The following ANK3 variants were observed in gnomAD, a reference collection of about 807,000 sequenced individuals.
ANK3 encodes ankyrin-3.
In ANK3, 57 loss-of-function variants were observed where a neutral mutation model predicts 370.9. That is an observed-to-expected ratio of 0.15 (90% CI 0.12 to 0.19). ANK3 has a LOEUF of 0.19. ANK3 is among the 10% of genes least tolerant of loss of function. The probability of loss-of-function intolerance (pLI) is 1.00; values close to 1 mark genes in which losing one functional copy is unlikely to be tolerated. For synonymous variants in ANK3, 1,929 were observed against 1,946.3 expected, an observed-to-expected ratio of 0.99 and a Z score of 0.23; for missense variants, 4,439 against 5,302.1, an observed-to-expected ratio of 0.84 and a Z score of 5.06.
rs1453964476 is a variant in ANK3 at position 60,696,078 on chromosome 10, C to G, written c.57+37185G>C. The stretch of plus-strand genomic sequence containing the variant: ...AAAATGATAAAGGGGATATCACCAC[C>G]AATCCCACAAAAATACAAACTACCA... On this transcript the variant is annotated intron_variant, in intron 1 of 43. Coordinates refer to the ANK3 transcript ENST00000373827. 2.7e-5 allele frequency among the ~76,000 whole-genome samples: 4 copies of G among 150,722 alleles called. 1 individual carries two copies.
chr10:60,145,953 AG>A (rs375980129), intron 23 of ANK3: 1 of 770,732 alleles, frequency 1.3e-6, no homozygotes, highest in African/African-American at 1.7e-5. Flanking sequence ...TGGGGCAAAG[AG>A]GAGGGAGACT....
At chr10:60,485,053 T>C (rs371026146) in intron 2 of ANK3, among the ~76,000 whole-genome samples, 3 of 152,222 alleles carry the variant, frequency 2.0e-5, no homozygotes, top group East Asian at 3.9e-4. Flanking sequence ...AAAATTAATA[T>C]AGTAAAAAGA....
chr10:60,232,842 A>T (rs2097267197), intron 8 of ANK3, among the ~76,000 whole-genome samples: 1 of 152,192 alleles, frequency 6.6e-6, no homozygotes. Context: ...CTCGACGATC[A>T]TCTATTGGTT....
At chr10:60,388,785 A>G (rs939308732) in intron 1 of ANK3, among the ~76,000 whole-genome samples, 1 of 152,136 alleles carries the variant, frequency 6.6e-6, no homozygotes, top group Admixed American at 6.5e-5. Context: ...TTCACCCAGC[A>G]GGGAAAAACA....
chr10:60,096,205 T>G (rs944997917), intron 28 of ANK3, among the ~76,000 whole-genome samples: 5 of 151,934 alleles, frequency 3.3e-5, no homozygotes, highest in African/African-American at 1.2e-4. Context: ...TAAAATAAGA[T>G]AAAAGTATAT....
chr10:60,230,550 C>T lies in ANK3; in HGVS notation c.897+4138G>A, dbSNP rs192168978. On this transcript the variant is annotated intron_variant, in intron 8 of 43. Transcript: ENST00000280772. ...GTTGATATTAATTAGCATTATGGAG[C>T]TGGGAAAATGGGAAAGACTTTCCTG... is the stretch of plus-strand genomic sequence containing the variant. Among the ~76,000 whole-genome samples the T allele has an allele frequency of 2.6e-5, 4 of 152,148 alleles. No individual in the cohort carries two copies. In the East Asian group the frequency reaches 7.7e-4, roughly 29 times the overall value.
chr10:60,702,891 A>C (rs1055178847), intron 1 of ANK3, among the ~76,000 whole-genome samples: 1 of 152,226 alleles, frequency 6.6e-6, no homozygotes, highest in Admixed American at 6.5e-5. Context: ...CTTACAAAAA[A>C]GTATCCAAGC....
At chr10:60,505,397 TTTATA>T (rs1384458047) in intron 2 of ANK3, among the ~76,000 whole-genome samples, 3 of 152,166 alleles carry the variant, frequency 2.0e-5, no homozygotes, top group East Asian at 1.9e-4. Context: ...TGCCTAATAT[TTTATA>T]TTAAACATTA....
In ANK3 at chr10:60,631,145, G is replaced by C. The variant is rs547492025; in HGVS notation, c.58-15921C>G. ...GAACAGGTTTGGGATGGCAGGAAGAGGTGGACTGTGCCAGGTAATCAGGGC... is the reference window on the plus strand; with the variant it reads ...GAACAGGTTTGGGATGGCAGGAAGACGTGGACTGTGCCAGGTAATCAGGGC... On this transcript the variant is annotated intron_variant, in intron 1 of 43. Transcript: ENST00000373827. Among the ~76,000 whole-genome samples, 6 of 152,244 alleles carry C rather than the reference G, an allele frequency of 3.9e-5. No homozygotes were observed. In the East Asian group the frequency reaches 1.2e-3, roughly 29 times the overall value.
At chr10:60,675,255 T>C (rs1347247056) in intron 1 of ANK3, among the ~76,000 whole-genome samples, 1 of 152,234 alleles carries the variant, frequency 6.6e-6, no homozygotes, top group African/African-American at 2.4e-5. Flanking sequence ...TTGAAAAACA[T>C]TGCTCTAGCC....
At chr10:60,108,462 T>C (rs1044529304) in intron 27 of ANK3, among the ~76,000 whole-genome samples, 4 of 152,176 alleles carry the variant, frequency 2.6e-5, no homozygotes, top group Non-Finnish European at 5.9e-5. Context: ...CAAAAAATTT[T>C]CTTTAAAAAG....
chr10:60,307,706 T>C (rs915565137), intron 1 of ANK3, among the ~76,000 whole-genome samples: 16 of 151,964 alleles, frequency 1.1e-4, no homozygotes, highest in African/African-American at 3.4e-4. Context: ...GATCCTGAGA[T>C]TGAAAAAATG....
intron 1 of ANK3, among the ~76,000 whole-genome samples, chr10:60,662,087 T>C (rs996643084): frequency 3.3e-5 from 5 of 152,158 alleles, no homozygotes; most frequent in Non-Finnish European, 7.3e-5. Context: ...AGAATATAAA[T>C]TATAAACAAA....
At chr10:60,122,655 C>T (rs1478357063) in intron 25 of ANK3, among the ~76,000 whole-genome samples, 3 of 152,178 alleles carry the variant, frequency 2.0e-5, no homozygotes, top group Non-Finnish European at 1.5e-5. Flanking sequence ...AAAACATATA[C>T]GTCAAAGTCT....
rs148051893 is a variant in ANK3 at position 60,188,126 on chromosome 10, T to C, written c.1888-1214A>G. 2.4e-3 allele frequency among the ~76,000 whole-genome samples: 369 copies of C among 152,362 alleles called. 3 individuals are homozygous for C. The highest frequency in any genetic ancestry group is 6.8e-3 in the Middle Eastern group (2 of 294). ...CTCTAGTGCCTCACAATAACTGCCA[T>C]GTATTAATTACATGAAGAAAGGAAT... On this transcript the variant is annotated intron_variant, in intron 16 of 43. Transcript: ENST00000280772.
chr10:60,232,351 C>T (rs1050276677), intron 8 of ANK3, among the ~76,000 whole-genome samples: 1 of 135,698 alleles, frequency 7.4e-6, no homozygotes, highest in African/African-American at 2.5e-5. Context: ...AAAGATTCCT[C>T]CTCTTTACAA....
In ANK3 at chr10:60,072,095, A is replaced by G. The variant is rs2082815420; in HGVS notation, c.8786T>C (p.Leu2929Ser). The G allele has an allele frequency of 2.5e-6, 4 of 1,614,006 alleles. No homozygotes were observed. The highest frequency in any genetic ancestry group is 3.4e-6 in the Non-Finnish European group (4 of 1,179,990). Residue 2929 changes from leucine (L) to serine (S), a missense_variant, in exon 37 of 44, where the codon TTA (leucine) becomes TCA (serine). By Grantham distance (145) the Leu-to-Ser change is moderately radical (BLOSUM62 -2). This residue lies in a region of ANK3 where 1,601 missense variants were observed against 1,731.7 expected (regional missense o/e 0.92). Coordinates refer to ENST00000280772, the MANE Select transcript of ANK3 (RefSeq NM_020987.5). Reference protein sequence around the residue: ...MTVKSPSKKVLYREYVVKEGD... With the variant: ...MTVKSPSKKVSYREYVVKEGD... ...TTCTTTCACAACATATTCCCTATAT[A>G]AGACTTTTTTGGAGGGAGATTTTAC...
intron 2 of ANK3, among the ~76,000 whole-genome samples, chr10:60,539,650 G>A (rs7917458): frequency 0.67 from 102,203 of 151,678 alleles, 34,913 homozygotes; most frequent in South Asian, 0.87. Flanking sequence ...CCAAATAAGA[G>A]AAGTAGTCAA....
intron 11 of ANK3, among the ~76,000 whole-genome samples, chr10:60,203,445 T>C (rs1200338851): frequency 6.6e-6 from 1 of 152,148 alleles, no homozygotes; most frequent in Non-Finnish European, 1.5e-5. Context: ...TATCCATATG[T>C]GTGTGTGTAG....
Sources: allele counts gnomAD v4.1 joint callset (sites outside exome capture counted in the v4.1 genomes callset), GRCh38; gene constraint gnomAD v4.1.1; regional missense constraint gnomAD v4.1.1; transcripts MANE v1.5; gene names NCBI Gene and HGNC (gene_info 2026-07-23, HGNC 2026-07-21).